The following MICAL2 variants were observed in gnomAD, a reference collection of about 807,000 sequenced individuals.
MICAL2 encodes the protein [F-actin]-monooxygenase MICAL2.
In MICAL2, 77 loss-of-function variants were observed where a neutral mutation model predicts 127.3. The observed-to-expected ratio is 0.60, with a 90% CI of 0.50 to 0.73. The LOEUF is 0.73. MICAL2 is among the 30% of genes least tolerant of loss of function. The probability of loss-of-function intolerance (pLI) is 0.00; values close to 1 mark genes in which losing one functional copy is unlikely to be tolerated. For synonymous variants in MICAL2, 570 were observed against 551.1 expected (o/e 1.03, Z -0.48); for missense variants, 1,351 against 1,434.4 (o/e 0.94, Z 0.94).
intron 4 of MICAL2, among the ~76,000 whole-genome samples, chr11:12,207,562 C>T (rs1361479255): frequency 6.6e-6 from 1 of 152,188 alleles, no homozygotes; most frequent in Non-Finnish European, 1.5e-5. Context: ...TGTCTAAGAG[C>T]TGAGGCGTAG....
At chr11:12,306,248 A>C (rs1157326607) in intron 29 of MICAL2, among the ~76,000 whole-genome samples, 1 of 151,872 alleles carries the variant, frequency 6.6e-6, no homozygotes, top group Non-Finnish European at 1.5e-5. Context: ...GATTTCTAAC[A>C]GTATTCATTA....
At chr11:12,261,042 G>A (rs960466000) in intron 26 of MICAL2, 18 of 985,412 alleles carry the variant, frequency 1.8e-5, no homozygotes, top group East Asian at 1.1e-4. Context: ...CCCCCAGCCC[G>A]GGCTGCAGGC....
chr11:12,201,784 T>C (rs1477124279), intron 3 of MICAL2, among the ~76,000 whole-genome samples: 1 of 152,298 alleles, frequency 6.6e-6, no homozygotes, highest in Non-Finnish European at 1.5e-5. Flanking sequence ...ATGTCCCAAA[T>C]GCCAACAGGA....
chr11:12,204,447 C>T lies in MICAL2; in HGVS notation c.462C>T (p.Ile154=), dbSNP rs373905406. 1.1e-5 allele frequency: 18 copies of T among 1,613,926 alleles called. No individual in the cohort carries two copies. In the African/African-American group the frequency reaches 1.2e-4, roughly 11 times the overall value. The change falls in exon 4 of 28, where the codon ATC becomes ATT. Residue 154 remains isoleucine, a synonymous_variant. Coordinates refer to ENST00000683283, the MANE Select transcript of MICAL2 (RefSeq NM_001282663.2). ...ATGGGAAGTTCTGTGCTGGCTCCAT[C>T]GACCATATCAGTGAGTGGAGTCTAT... is the stretch of plus-strand genomic sequence containing the variant. ...KFYGKFCAGS[I]DHISIRQLQL...
rs1849519659 is a variant in MICAL2, at chr11:12,110,638, T to G, written c.-237T>G. 6.6e-6 allele frequency: 1 copy of G among 151,706 alleles called. No individual in the cohort carries two copies. Among genetic ancestry groups the G allele is most frequent in the South Asian group, 2.1e-4 (1 of 4,836 alleles). 9.4% of individuals were successfully genotyped at this position (151,706 alleles called of 1,614,324 possible). On this transcript the variant is annotated 5_prime_UTR_variant, in exon 1 of 28. Coordinates refer to ENST00000683283, the MANE Select transcript of MICAL2 (RefSeq NM_001282663.2). This position sits in a 1 kb window ranked among gnomAD's most constrained non-coding sequence, Gnocchi z 4.5. ...GGGCCGCCTCGCTCGCTCCCAGCTC[T>G]GTCAGTGGCCCGCGGGGCCCGATCG... is the stretch of plus-strand genomic sequence containing the variant.
intron 31 of MICAL2, chr11:12,324,200 TGA>T (rs1565305472): frequency 8.2e-6 from 9 of 1,101,628 alleles, no homozygotes; most frequent in African/African-American, 1.6e-5. Context: ...TCTTGTTCTC[TGA>T]GGAACCAGAT....
intron 3 of MICAL2, among the ~76,000 whole-genome samples, chr11:12,174,049 A>G (rs1055291304): frequency 6.6e-6 from 1 of 152,168 alleles, no homozygotes; most frequent in Non-Finnish European, 1.5e-5. Flanking sequence ...AATTTTAGTC[A>G]GAAATACTTA....
chr11:12,278,769 A>G (rs1863744747), intron 1 of MICAL2, among the ~76,000 whole-genome samples: 4 of 152,098 alleles, frequency 2.6e-5, no homozygotes, highest in Admixed American at 2.0e-4. Context: ...GACTCTCAGA[A>G]TTTTTCCAGA....
chr11:12,331,411 G>A (rs960239319), intron 32 of MICAL2, among the ~76,000 whole-genome samples: 1 of 151,104 alleles, frequency 6.6e-6, no homozygotes, highest in Non-Finnish European at 1.5e-5. Context: ...GGAGCCAGAT[G>A]GTTTCTTCTT....
intron 29 of MICAL2, among the ~76,000 whole-genome samples, chr11:12,312,570 C>A (rs574381449): frequency 9.9e-5 from 15 of 152,186 alleles, no homozygotes; most frequent in African/African-American, 3.1e-4. Context: ...CTGAAAATCA[C>A]CAACAAAAGG....
At chr11:12,361,767 C>T (rs867002839), downstream of MICAL2, among the ~76,000 whole-genome samples, 1 of 152,350 alleles carries the variant, frequency 6.6e-6, no homozygotes, top group South Asian at 2.1e-4. Flanking sequence ...TCCCAGGAAG[C>T]AGATTTACAG....
chr11:12,151,221 T>A (rs1158473859), intron 2 of MICAL2, among the ~76,000 whole-genome samples: 1 of 152,156 alleles, frequency 6.6e-6, no homozygotes. Context: ...TCAAGATAGG[T>A]TGCACATGTG....
intron 3 of MICAL2, among the ~76,000 whole-genome samples, chr11:12,185,136 G>GAT (rs1289247847): frequency 5.6e-5 from 3 of 53,842 alleles, no homozygotes; most frequent in Non-Finnish European, 7.8e-5. Flanking sequence ...TGGGTGGGTG[G>GAT]GGGGATGGAT....
chr11:12,223,029 A>G (rs1229207658), intron 11 of MICAL2, among the ~76,000 whole-genome samples: 2 of 152,224 alleles, frequency 1.3e-5, no homozygotes, highest in Admixed American at 1.3e-4. Flanking sequence ...CCTGTCTCAA[A>G]TAAGCTACTT....
Position 12,220,347 on chromosome 11 carries a change from T to C in MICAL2, c.1095T>C (p.Asp365=), listed in dbSNP as rs763913000. The part of the protein sequence containing the change: ...DFAMNHYGQP[D]VAMFDFTCMY... The stretch of plus-strand genomic sequence containing the variant: ...CCATGAACCACTATGGGCAGCCTGA[T>C]GTGGCCATGTTTGACTTTACCTGCA... The change falls in exon 9 of 28, where the codon GAT becomes GAC. Residue 365 remains aspartate, a synonymous_variant. Coordinates refer to ENST00000683283, the MANE Select transcript of MICAL2 (RefSeq NM_001282663.2). 6.2e-7 allele frequency: 1 copy of C among 1,614,234 alleles called. No individual in the cohort carries two copies. Among genetic ancestry groups the C allele is most frequent in the Non-Finnish European group, 8.5e-7 (1 of 1,180,042 alleles).
chr11:12,185,094 G>GGCA (rs1857988494), intron 3 of MICAL2, among the ~76,000 whole-genome samples: 1 of 81,994 alleles, frequency 1.2e-5, no homozygotes, highest in African/African-American at 4.9e-5. Context: ...GATGGGTGGG[G>GGCA]GGATGGATAG....
chr11:12,345,077 A>G (rs1938932764), intron 32 of MICAL2, among the ~76,000 whole-genome samples: 1 of 150,840 alleles, frequency 6.6e-6, no homozygotes, highest in Admixed American at 6.6e-5. Context: ...GCGCCACTGC[A>G]CTCCAGCCTG....
At chr11:12,208,484 G>C (rs1023860380) in intron 5 of MICAL2, 3 of 231,060 alleles carry the variant, frequency 1.3e-5, no homozygotes, top group African/African-American at 6.9e-5. Flanking sequence ...AGCTGTGTGT[G>C]TGTTTAACAC....
chr11:12,204,664 G>A (rs565496472), intron 4 of MICAL2, among the ~76,000 whole-genome samples: 1 of 152,294 alleles, frequency 6.6e-6, no homozygotes, highest in East Asian at 1.9e-4. Context: ...AGCACCATGA[G>A]GTCAGGGATT....
Sources: gnomAD v4.1 joint callset for allele counts (sites outside exome capture counted in the v4.1 genomes callset) on GRCh38, gnomAD v4.1.1 for gene constraint, Gnocchi (gnomAD v3.1) non-coding constraint, MANE v1.5 for transcripts, NCBI Gene and HGNC (gene_info 2026-07-23, HGNC 2026-07-21) for gene names.